NAA11: variants seen among roughly 807,000 people sequenced by gnomAD.
NAA11 encodes the protein N-alpha-acetyltransferase 11.
Under a neutral mutation model 16.1 loss-of-function variants are expected in NAA11, and 15 were observed. That is an observed-to-expected ratio of 0.93 (90% confidence interval 0.62 to 1.44). The LOEUF is 1.44. NAA11 is among the 40% of genes most tolerant of loss of function. The probability of loss-of-function intolerance (pLI) is 0.00; values close to 1 mark genes in which losing one functional copy is unlikely to be tolerated. For missense variants in NAA11, 298 were observed against 291.3 expected, an observed-to-expected ratio of 1.02 and a Z score of -0.17; for synonymous variants, 122 against 112.4, an observed-to-expected ratio of 1.09 and a Z score of -0.54.
chr4:79,208,278 A>G, the NAA11 span, among the ~76,000 whole-genome samples: 1 of 152,192 alleles, frequency 6.6e-6, no homozygotes, highest in East Asian at 1.9e-4. Flanking sequence ...CTGAAAAATA[A>G]TACAATAATA....
rs918574155 is a variant in NAA11, at chr4:79,240,133, G to T, written c.*123-13863C>A. On this transcript the variant is annotated intron_variant and NMD_transcript_variant, in intron 2 of 2. Transcript: ENST00000511542. Reference sequence around the variant, plus strand: ...TACCTTTCCCACCTTTAATGCTTCTGCCAGCATTGAACTCACAGAATAATT... The same window carrying T: ...TACCTTTCCCACCTTTAATGCTTCTTCCAGCATTGAACTCACAGAATAATT... Among the ~76,000 whole-genome samples, 3 of 152,130 alleles carry T rather than the reference G, an allele frequency of 2.0e-5. No individual in the cohort carries two copies. The South Asian group carries it at 6.2e-4, about 32-fold the overall frequency.
chr4:79,266,290 C>G (rs1722343821), intron 2 of NAA11, among the ~76,000 whole-genome samples: 1 of 152,200 alleles, frequency 6.6e-6, no homozygotes, highest in Admixed American at 6.5e-5. Context: ...AGCAGTAGCT[C>G]TCTTCCTAAT....
the NAA11 span, among the ~76,000 whole-genome samples, chr4:79,175,743 T>TA: frequency 0.073 from 8,996 of 123,366 alleles, 341 homozygotes; most frequent in Middle Eastern, 0.13. Context: ...GTAATCACTG[T>TA]AAAAAAAAAA....
At chr4:79,195,466 T>G in the NAA11 span, among the ~76,000 whole-genome samples, 1 of 152,158 alleles carries the variant, frequency 6.6e-6, no homozygotes, top group East Asian at 1.9e-4. Context: ...CAAATATTCT[T>G]TACTGTTTTT....
At chr4:79,320,561 A>C (rs543350669) in intron 1 of NAA11, among the ~76,000 whole-genome samples, 3 of 152,174 alleles carry the variant, frequency 2.0e-5, no homozygotes, top group Non-Finnish European at 4.4e-5. Context: ...AAATGGAGTA[A>C]TAGTACCTAC....
At chr4:79,202,611 T>TTATAGTTTTATATATATATATATATA in the NAA11 span, among the ~76,000 whole-genome samples, 1 of 27,418 alleles carries the variant, frequency 3.6e-5, no homozygotes, top group Non-Finnish European at 1.1e-4. Flanking sequence ...TTATATACAG[T>TTATAGTTTTATATATATATATATATA]TATATATAGT....
chr4:79,253,044 A>G (rs1388251010), intron 2 of NAA11, among the ~76,000 whole-genome samples: 1 of 152,236 alleles, frequency 6.6e-6, no homozygotes. Context: ...GGTGAGAAGT[A>G]GCCAAACATG....
intron 2 of NAA11, among the ~76,000 whole-genome samples, chr4:79,243,667 G>T (rs1721742883): frequency 6.6e-6 from 1 of 152,212 alleles, no homozygotes; most frequent in Admixed American, 6.5e-5. Flanking sequence ...TGTGTCTGCA[G>T]CAACTTCAAT....
At chr4:79,319,736 T>G (rs1447834147) in intron 1 of NAA11, among the ~76,000 whole-genome samples, 1 of 152,214 alleles carries the variant, frequency 6.6e-6, no homozygotes, top group African/African-American at 2.4e-5. Context: ...AACCCCCTCT[T>G]TATCTTCATA....
the NAA11 span, among the ~76,000 whole-genome samples, chr4:79,190,354 G>A: frequency 1.3e-5 from 2 of 151,994 alleles, 1 homozygote; most frequent in Admixed American, 1.3e-4. Flanking sequence ...TTTTTAAAAA[G>A]TTTGTATATG....
At chr4:79,267,152 C>A (rs1004193525) in intron 2 of NAA11, among the ~76,000 whole-genome samples, 2 of 152,112 alleles carry the variant, frequency 1.3e-5, no homozygotes, top group African/African-American at 4.8e-5. Flanking sequence ...GAAGCAAATT[C>A]ATTTACGTAG....
At chr4:79,247,045 G>C (rs1484204512) in intron 2 of NAA11, among the ~76,000 whole-genome samples, 1 of 152,132 alleles carries the variant, frequency 6.6e-6, no homozygotes, top group Non-Finnish European at 1.5e-5. Flanking sequence ...GAGGTCAAAC[G>C]TCAATGGTAG....
downstream of NAA11, among the ~76,000 whole-genome samples, chr4:79,220,928 G>C (rs544764673): frequency 9.2e-5 from 14 of 152,094 alleles, no homozygotes; most frequent in African/African-American, 2.9e-4. Context: ...TTGGTAGCTT[G>C]ATGGGGATGG....
intron 2 of NAA11, among the ~76,000 whole-genome samples, chr4:79,260,295 A>C (rs1722219974): frequency 6.6e-6 from 1 of 152,136 alleles, no homozygotes. Context: ...TTTTGTTGCA[A>C]ATGTCCATTG....
At chr4:79,229,485 C>T (rs1721407930) in intron 2 of NAA11, among the ~76,000 whole-genome samples, 1 of 151,748 alleles carries the variant, frequency 6.6e-6, no homozygotes, top group African/African-American at 2.4e-5. Context: ...GTTAAGTAAC[C>T]TGCTCAACAT....
At chr4:79,309,222 G>A (rs1258709535) in intron 1 of NAA11, among the ~76,000 whole-genome samples, 1 of 152,156 alleles carries the variant, frequency 6.6e-6, no homozygotes, top group Non-Finnish European at 1.5e-5. Context: ...TGGTCAAGAT[G>A]ATTTCTTGGA....
the NAA11 span, among the ~76,000 whole-genome samples, chr4:79,196,381 A>G: frequency 6.6e-6 from 1 of 152,034 alleles, no homozygotes; most frequent in African/African-American, 2.4e-5. Flanking sequence ...TTTTTAGGCT[A>G]ATGAATTAGG....
the NAA11 span, among the ~76,000 whole-genome samples, chr4:79,176,125 G>A: frequency 3.3e-5 from 5 of 152,096 alleles, no homozygotes; most frequent in Non-Finnish European, 2.9e-5. Flanking sequence ...AAATAAACTC[G>A]TATCCCCACC....
chr4:79,166,909 C>T, the NAA11 span, among the ~76,000 whole-genome samples: 1 of 146,326 alleles, frequency 6.8e-6, no homozygotes. Flanking sequence ...CCATGCCTGG[C>T]CAGAAATCAT....
Sources: allele counts gnomAD v4.1 joint callset (sites outside exome capture counted in the v4.1 genomes callset), GRCh38; gene constraint gnomAD v4.1.1; transcripts MANE v1.5; gene names NCBI Gene and HGNC (gene_info 2026-07-23, HGNC 2026-07-21).